CNST: variants seen among roughly 807,000 people sequenced by gnomAD.
CNST encodes the protein consortin, connexin sorting protein, also known as consortin.
CNST carries 39 observed loss-of-function variants against 72.4 expected under a neutral mutation model. That is an observed-to-expected ratio of 0.54 (90% CI 0.42 to 0.70). The LOEUF (loss-of-function observed/expected upper bound fraction) is 0.70. Among genes scored for constraint, CNST ranks in the 30% least tolerant of loss-of-function variants. The pLI, the probability that CNST is intolerant of heterozygous loss-of-function variation, is 0.00. For synonymous variants in CNST, 332 were observed against 320.1 expected (o/e 1.04, Z -0.40); for missense variants, 871 against 868.5 (o/e 1.00, Z -0.04).
rs774621089 is a variant in CNST, at chr1:246,647,230, C to T, written c.1029C>T (p.Asp343=). The T allele has an allele frequency of 3.7e-6, 6 of 1,613,988 alleles. No individual in the cohort carries two copies. The highest frequency in any genetic ancestry group is 3.3e-5 in the South Asian group (3 of 91,088). Residue 343 remains aspartate (D), a synonymous_variant, in exon 9 of 11, where the codon GAC becomes GAT. Transcript: ENST00000366513. ...GCAGTCCCTGCTGTCATCAGATGGA[C>T]GTGCAAACAGATTCCCCAAGCCTTT... ...LGSSPCCHQM[D]VQTDSPSLSV... is the part of the protein sequence containing the mutation.
At chr1:246,655,362 G>A (rs1011407583) in intron 9 of CNST, among the ~76,000 whole-genome samples, 1 of 152,218 alleles carries the variant, frequency 6.6e-6, no homozygotes, top group East Asian at 1.9e-4. Flanking sequence ...TGAGGTGACC[G>A]CCGTGTTCTT....
At chr1:246,628,672 A>G (rs1372128732) in intron 3 of CNST, among the ~76,000 whole-genome samples, 2 of 152,174 alleles carry the variant, frequency 1.3e-5, no homozygotes, top group African/African-American at 2.4e-5. Context: ...TTGTAAGGGC[A>G]CTAATCCCAT....
intron 2 of CNST, among the ~76,000 whole-genome samples, chr1:246,619,363 A>G (rs1663902810): frequency 6.6e-6 from 1 of 152,190 alleles, no homozygotes; most frequent in Non-Finnish European, 1.5e-5. Context: ...ATAGCAACAT[A>G]AAGTGTCTAG....
At chr1:246,633,124 GC>G (rs2103099143) in intron 4 of CNST, among the ~76,000 whole-genome samples, 1 of 152,236 alleles carries the variant, frequency 6.6e-6, no homozygotes, top group African/African-American at 2.4e-5. Flanking sequence ...TGCATAATAT[GC>G]CACATTAAAA....
chr1:246,621,521 A>C lies in CNST; in HGVS notation c.472A>C (p.Asn158His). Residue 158 changes from asparagine to histidine, a missense_variant, in exon 3 of 11, where the codon AAT becomes CAT. Coordinates refer to ENST00000366513, the MANE Select transcript of CNST (RefSeq NM_152609.3). Reference sequence around the variant, plus strand: ...TGATGATGAAGAAGCTGCTGAAGTAAATGCTAATGAGCAGCCAGAGGCGCC... The same window carrying C: ...TGATGATGAAGAAGCTGCTGAAGTACATGCTAATGAGCAGCCAGAGGCGCC... The part of the protein sequence containing the change: ...AVDDEEAAEV[N>H]ANEQPEAPKL... 6.2e-7 allele frequency: 1 copy of C among 1,614,148 alleles called. No homozygotes were observed. Among genetic ancestry groups the C allele is most frequent in the Non-Finnish European group, 8.5e-7 (1 of 1,179,978 alleles).
chr1:246,585,709 A>ACT (rs1558533802), intron 1 of CNST, among the ~76,000 whole-genome samples: 1 of 105,488 alleles, frequency 9.5e-6, no homozygotes, highest in East Asian at 3.0e-4. Context: ...ACACACACAC[A>ACT]CACTATATAT....
In CNST at chr1:246,634,456, A is replaced by G. The variant is rs750239938; in HGVS notation, c.704-17A>G. On this transcript the variant is annotated splice_polypyrimidine_tract_variant and intron_variant, in intron 5 of 10. Transcript: ENST00000366513. ...TGTTTTATAAGAGCCAGTGACTAAC[A>G]AATACTTTAAATTTAGAAACAAAAT... 6.7e-7 allele frequency: 1 copy of G among 1,497,660 alleles called. No homozygotes were observed. Among genetic ancestry groups the G allele is most frequent in the Non-Finnish European group, 9.1e-7 (1 of 1,102,526 alleles). 92.8% of individuals were successfully genotyped at this position (1,497,660 alleles called of 1,614,324 possible). A position where few individuals can be genotyped will look rare whatever the true frequency, so the allele number is the denominator to read the frequency against.
chr1:246,584,055 C>T (rs948009135), intron 1 of CNST, among the ~76,000 whole-genome samples: 2 of 152,006 alleles, frequency 1.3e-5, no homozygotes, highest in African/African-American at 2.4e-5. Context: ...GTCCTCCTGC[C>T]GCAGCTTCCT....
rs193267475 is a variant in CNST, at chr1:246,600,910, G to T, written c.379+8969G>T. ...AAAGATTTAATTGAGAGAATACATT[G>T]TTCATTTTTGCAGGAGACAGAATAA... On this transcript the variant is annotated intron_variant, in intron 2 of 10. Transcript: ENST00000366513. Among the ~76,000 whole-genome samples the T allele has an allele frequency of 1.9e-3, 287 of 152,278 alleles. 1 individual carries two copies. The highest frequency in any genetic ancestry group is 2.6e-3 in the Non-Finnish European group (177 of 68,026).
At chr1:246,630,657 A>G (rs1054076057) in intron 3 of CNST, among the ~76,000 whole-genome samples, 2 of 152,156 alleles carry the variant, frequency 1.3e-5, no homozygotes, top group East Asian at 1.9e-4. Context: ...TGCATCGTCA[A>G]TTTACCTGGA....
intron 10 of CNST, among the ~76,000 whole-genome samples, chr1:246,664,864 CTTTTTGAAATTAAAATT>C (rs1667323357): frequency 6.6e-6 from 1 of 152,112 alleles, no homozygotes; most frequent in African/African-American, 2.4e-5. Flanking sequence ...ACTTTTTGGT[CTTTTTGAAATTAAAATT>C]TTTTTTAAAT....
At chr1:246,664,305 T>C (rs1294868257) in intron 10 of CNST, among the ~76,000 whole-genome samples, 1 of 152,240 alleles carries the variant, frequency 6.6e-6, no homozygotes, top group Non-Finnish European at 1.5e-5. Context: ...TGTGCAGAAC[T>C]GTAGCCTAAT....
chr1:246,648,177 A>G lies in CNST; in HGVS notation c.1836+140A>G, dbSNP rs554137520. 7.2e-4 allele frequency: 1,033 copies of G among 1,426,150 alleles called. 1 individual carries two copies. The highest frequency in any genetic ancestry group is 8.9e-4 in the Non-Finnish European group (973 of 1,094,712). 88.3% of individuals were successfully genotyped at this position (1,426,150 alleles called of 1,614,324 possible). A position where few individuals can be genotyped will look rare whatever the true frequency, so the allele number is the denominator to read the frequency against. On this transcript the variant is annotated intron_variant, in intron 9 of 10. Transcript: ENST00000366513. ...TTCTAGTTAACGTAAGCTTTTAATT[A>G]TTAGTAGTTTTTACATTTGTATGTA...
At chr1:246,578,682 C>A (rs1364172361) in intron 1 of CNST, among the ~76,000 whole-genome samples, 1 of 151,194 alleles carries the variant, frequency 6.6e-6, no homozygotes, top group African/African-American at 2.5e-5. Context: ...AAAAAAAAAA[C>A]TATTGCCTCA....
intron 8 of CNST, 87 bp from the exon 9 acceptor site, chr1:246,647,052 A>G (rs1666126690): frequency 1.7e-6 from 2 of 1,165,404 alleles, no homozygotes; most frequent in Non-Finnish European, 2.4e-6. Context: ...ATATTGCTGT[A>G]TTACACATAT....
chr1:246,609,769 A>G (rs1663178136), intron 2 of CNST, among the ~76,000 whole-genome samples: 1 of 152,246 alleles, frequency 6.6e-6, no homozygotes, highest in South Asian at 2.1e-4. Flanking sequence ...ATGCATCAGC[A>G]TTAATGGGTA....
At chr1:246,665,176 C>T (rs1667337962) in intron 10 of CNST, among the ~76,000 whole-genome samples, 1 of 152,054 alleles carries the variant, frequency 6.6e-6, no homozygotes, top group Admixed American at 6.6e-5. Context: ...TCAAGACCAC[C>T]CTCTGCAGCA....
chr1:246,588,232 G>A (rs552934263), intron 1 of CNST, among the ~76,000 whole-genome samples: 1 of 152,114 alleles, frequency 6.6e-6, no homozygotes, highest in East Asian at 1.9e-4. Context: ...ATTACTGAAA[G>A]GCCGTTTTAC....
Position 246,577,006 on chromosome 1 carries a change from A to T in CNST, c.-52+10343A>T, listed in dbSNP as rs187684195. On this transcript the variant is annotated intron_variant, in intron 1 of 10. Coordinates refer to ENST00000366513, the MANE Select transcript of CNST (RefSeq NM_152609.3). ...ACATGTTTTTACCTTAAAATTTTTT[A>T]AAAATTGGATTAGGTTTTTATGTTT... 3.9e-3 allele frequency among the ~76,000 whole-genome samples: 597 copies of T among 152,082 alleles called. 10 individuals carry two copies. Among genetic ancestry groups the T allele is most frequent in the African/African-American group, 0.014 (573 of 41,386 alleles).
Sources: allele counts gnomAD v4.1 joint callset (sites outside exome capture counted in the v4.1 genomes callset), GRCh38; gene constraint gnomAD v4.1.1; transcripts MANE v1.5; gene names NCBI Gene and HGNC (gene_info 2026-07-23, HGNC 2026-07-21).